MAP3K19: variants seen among roughly 807,000 people sequenced by gnomAD.
MAP3K19 encodes SPS1/STE20-related protein kinase YSK4.
Under a neutral mutation model 114.4 loss-of-function variants are expected in MAP3K19, and 91 were observed. The observed-to-expected ratio is 0.80, with a 90% CI of 0.67 to 0.95. The LOEUF (loss-of-function observed/expected upper bound fraction) is 0.95. Among genes scored for constraint, MAP3K19 ranks in the 40% least tolerant of loss-of-function variants. The pLI is 0.00. For synonymous variants in MAP3K19, 518 were observed against 530.5 expected (o/e 0.98, Z 0.32); for missense variants, 1,471 against 1,573.2 (o/e 0.94, Z 1.10).
chr2:135,011,415 C>T (rs12105439), intron 5 of MAP3K19, among the ~76,000 whole-genome samples: 20,710 of 151,150 alleles, frequency 0.14, 2,539 homozygotes, highest in African/African-American at 0.33. Flanking sequence ...CGGGCCCCTG[C>T]AGTCCCAGCT....
chr2:135,002,341 C>T lies in MAP3K19; in HGVS notation c.236-2326G>A, dbSNP rs535377965. Among the ~76,000 whole-genome samples, 5 of 152,230 alleles carry T rather than the reference C, an allele frequency of 3.3e-5. No homozygotes were observed. The South Asian group carries it at 1.0e-3, about 32-fold the overall frequency. ...CATTATTAAAACAAAAACTTAAAAT[C>T]AGGCCCAGCTTAACTGATTTCAATA... is the stretch of plus-strand genomic sequence containing the variant. On this transcript the variant is annotated intron_variant, in intron 6 of 12. Transcript: ENST00000392915.
chr2:134,989,490 C>T (rs916782063), intron 9 of MAP3K19, among the ~76,000 whole-genome samples: 1 of 152,140 alleles, frequency 6.6e-6, no homozygotes, highest in Non-Finnish European at 1.5e-5. Context: ...GATGATTTTC[C>T]TCATTTCTCA....
In MAP3K19 at chr2:134,987,677, G is replaced by C. The variant is rs1288450346; in HGVS notation, c.1195C>G (p.His399Asp). 1 of 1,613,694 alleles carries C rather than the reference G, an allele frequency of 6.2e-7. No individual in the cohort carries two copies. Among genetic ancestry groups the C allele is most frequent in the Non-Finnish European group, 8.5e-7 (1 of 1,180,018 alleles). Residue 399 changes from histidine (H) to aspartate (D), a missense_variant, in exon 10 of 13, where the codon CAT becomes GAT. His to Asp is a moderately conservative substitution (Grantham distance 81, BLOSUM62 -1). Transcript: ENST00000392915. ...TCCTGGCTTGGAGTTATTTCTGAAT[G>C]CTGGGTTTCTTGGAACTTGCTTGGA... ...TIPSKFQETQ[H>D]SEITPSQDEE...
chr2:135,010,612 C>A (rs941210121), intron 5 of MAP3K19, among the ~76,000 whole-genome samples: 1 of 152,050 alleles, frequency 6.6e-6, no homozygotes, highest in Non-Finnish European at 1.5e-5. Flanking sequence ...GGAAATCAGA[C>A]GTGATTAAAG....
intron 8 of MAP3K19, among the ~76,000 whole-genome samples, chr2:134,997,281 T>G (rs1686066544): frequency 6.6e-6 from 1 of 152,148 alleles, no homozygotes; most frequent in Non-Finnish European, 1.5e-5. Context: ...AGACCTAGAA[T>G]AGTCAAATTC....
chr2:135,038,832 T>A (rs1431113844), intron 2 of MAP3K19, among the ~76,000 whole-genome samples: 1 of 151,596 alleles, frequency 6.6e-6, no homozygotes, highest in Non-Finnish European at 1.5e-5. Flanking sequence ...AACTCCAGCC[T>A]GGGCTACCGA....
intron 2 of MAP3K19, among the ~76,000 whole-genome samples, chr2:135,037,890 G>A (rs1462506062): frequency 6.6e-6 from 1 of 152,148 alleles, no homozygotes; most frequent in Non-Finnish European, 1.5e-5. Context: ...TCTGACTAAT[G>A]CTATTGTTAT....
intron 5 of MAP3K19, among the ~76,000 whole-genome samples, chr2:135,018,772 C>T (rs1319856114): frequency 1.3e-5 from 2 of 152,216 alleles, no homozygotes; most frequent in African/African-American, 4.8e-5. Flanking sequence ...TCGACCTAAA[C>T]CTTGTACTTT....
At chr2:135,037,228 C>T (rs1455376524) in intron 2 of MAP3K19, among the ~76,000 whole-genome samples, 1 of 152,180 alleles carries the variant, frequency 6.6e-6, no homozygotes, top group Non-Finnish European at 1.5e-5. Context: ...AAACTCCTGA[C>T]CTTAGGTGAT....
intron 6 of MAP3K19, 56 bp from the exon 7 acceptor site, chr2:135,000,071 G>A: frequency 8.7e-7 from 1 of 1,149,904 alleles, no homozygotes; most frequent in South Asian, 1.2e-5. Flanking sequence ...CCAGCGGAAA[G>A]CGGGAGACGT....
In MAP3K19 at chr2:134,987,875, A is replaced by G; in HGVS notation, c.997T>C (p.Phe333Leu). The stretch of plus-strand genomic sequence containing the variant: ...ATATTGCCTTCCTTCAAATTCTCAA[A>G]AGACACCAAAGACTGCCCTTTTTCA... ...HFEKGQSLVS[F>L]ENLKEGNIPA... Residue 333 changes from phenylalanine to leucine, a missense_variant, in exon 10 of 13, where the codon TTT (phenylalanine) becomes CTT (leucine). By Grantham distance (22) the Phe-to-Leu change is conservative. Transcript: ENST00000392915. 1 of 1,613,322 alleles carries G rather than the reference A, an allele frequency of 6.2e-7. No individual in the cohort carries two copies. Among genetic ancestry groups the G allele is most frequent in the African/African-American group, 1.3e-5 (1 of 75,026 alleles).
chr2:135,021,693 TTCTTTAAAGGGAGGC>T lies in MAP3K19; in HGVS notation c.138+7_138+21del, dbSNP rs561846736. 1.4e-3 allele frequency: 2,061 copies of T among 1,433,610 alleles called. 6 individuals are homozygous for T. The highest frequency in any genetic ancestry group is 2.1e-3 in the Middle Eastern group (12 of 5,688). 88.8% of individuals were successfully genotyped at this position (1,433,610 alleles called of 1,614,324 possible). A position where few individuals can be genotyped will look rare whatever the true frequency, so the allele number is the denominator to read the frequency against. On this transcript the variant is annotated splice_region_variant and intron_variant, in intron 5 of 12. Transcript: ENST00000392915. ...GTAGATGGAGTAGGCTGTCCGTTGT[TTCTTTAAAGGGAGGC>T]TCTTACCTCACTTCTGCTGATGCTT...
At chr2:134,977,833 C>T (rs1159299444) in intron 12 of MAP3K19, among the ~76,000 whole-genome samples, 1 of 152,144 alleles carries the variant, frequency 6.6e-6, no homozygotes, top group Non-Finnish European at 1.5e-5. Context: ...ATGTCTCTAA[C>T]AAGGCTAAGC....
chr2:134,968,646 C>G (rs1457328711), intron 12 of MAP3K19, among the ~76,000 whole-genome samples: 1 of 145,280 alleles, frequency 6.9e-6, no homozygotes, highest in Admixed American at 6.8e-5. Context: ...GGCGGCCGGG[C>G]AGAGACGCTC....
At chr2:134,997,204 T>C (rs1686060966) in intron 8 of MAP3K19, among the ~76,000 whole-genome samples, 1 of 152,214 alleles carries the variant, frequency 6.6e-6, no homozygotes, top group African/African-American at 2.4e-5. Context: ...AAAACACTGC[T>C]TCACCATTAT....
In MAP3K19 at chr2:135,034,984, A is replaced by G. The variant is rs553488938; in HGVS notation, c.-283-4484T>C. Among the ~76,000 whole-genome samples the G allele has an allele frequency of 2.6e-5, 4 of 152,292 alleles. No individual in the cohort carries two copies. The East Asian group carries it at 7.7e-4, about 29-fold the overall frequency. On this transcript the variant is annotated intron_variant, in intron 2 of 12. Transcript: ENST00000392915. ...TGTGATATTATTTGGTTATAAAAAT[A>G]AAGTATTGACACATGCTACAACATG... is the stretch of plus-strand genomic sequence containing the variant.
chr2:134,983,626 G>T, intron 11 of MAP3K19, 50 bp downstream of exon 11: 1 of 1,198,856 alleles, frequency 8.3e-7, no homozygotes, highest in Non-Finnish European at 1.1e-6. Flanking sequence ...TGGAGGGAGG[G>T]ACTGTGGGGG....
In MAP3K19 at chr2:134,980,879, G is replaced by C. The variant is rs1410959020; in HGVS notation, c.3862C>G (p.Pro1288Ala). Residue 1288 changes from proline (P) to alanine (A), a missense_variant, in exon 12 of 13, where the codon CCT becomes GCT. By Grantham distance (27) the Pro-to-Ala change is conservative. Transcript: ENST00000392915. ...TTTTCTGAGAAGTGGTCTGGTAAAGGAGGCATCAGCCCTCGGTGTGCTCCG... is the reference window on the plus strand; with the variant it reads ...TTTTCTGAGAAGTGGTCTGGTAAAGCAGGCATCAGCCCTCGGTGTGCTCCG... Reference protein sequence around the residue: ...YIGAHRGLMPPLPDHFSENAA... With the variant: ...YIGAHRGLMPALPDHFSENAA... 6.8e-6 allele frequency: 11 copies of C among 1,614,118 alleles called. No homozygotes were observed. The highest frequency in any genetic ancestry group is 2.7e-5 in the African/African-American group (2 of 74,928).
chr2:134,983,604 G>A (rs1188217215), intron 11 of MAP3K19, 72 bp downstream of exon 11: 10 of 1,041,912 alleles, frequency 9.6e-6, no homozygotes, highest in Non-Finnish European at 1.4e-5. Flanking sequence ...ATGACTGGGG[G>A]AGTGGGAGGG....
Sources: allele counts gnomAD v4.1 joint callset (sites outside exome capture counted in the v4.1 genomes callset), GRCh38; gene constraint gnomAD v4.1.1; transcripts MANE v1.5; gene names NCBI Gene and HGNC (gene_info 2026-07-23, HGNC 2026-07-21).